The following PCDH15 variants were observed in gnomAD, a reference collection of about 807,000 sequenced individuals.
PCDH15 encodes the protein protocadherin related 15.
A neutral mutation model predicts 178.5 loss-of-function variants in PCDH15; 129 were observed. That is an observed-to-expected ratio of 0.72 (90% CI 0.63 to 0.84). PCDH15 has a LOEUF of 0.84. PCDH15 is among the 40% of genes least tolerant of loss of function. The pLI is 0.00. For missense variants in PCDH15, 2,230 were observed against 2,099.9 expected, an observed-to-expected ratio of 1.06 and a Z score of -1.21; for synonymous variants, 800 against 732.0, an observed-to-expected ratio of 1.09 and a Z score of -1.50.
intron 2 of PCDH15, among the ~76,000 whole-genome samples, chr10:55,327,020 T>A (rs1399236114): frequency 1.3e-5 from 2 of 152,134 alleles, no homozygotes; most frequent in African/African-American, 2.4e-5. Flanking sequence ...AATGTTGCTG[T>A]GGAATGACTG....
At chr10:54,149,910 G>A (rs2044354122) in intron 14 of PCDH15, among the ~76,000 whole-genome samples, 1 of 152,148 alleles carries the variant, frequency 6.6e-6, no homozygotes, top group Non-Finnish European at 1.5e-5. Context: ...ACACAGAGGA[G>A]TTGCTCCAGG....
chr10:54,778,789 T>C (rs942729409), intron 1 of PCDH15, among the ~76,000 whole-genome samples: 1 of 152,164 alleles, frequency 6.6e-6, no homozygotes, highest in Non-Finnish European at 1.5e-5. Context: ...GCCTTGATAA[T>C]TGCAGACCAA....
rs573160418 is a variant in PCDH15 at position 54,643,660 on chromosome 10, T to C, written c.91+20512A>G. Among the ~76,000 whole-genome samples the C allele has an allele frequency of 2.0e-5, 3 of 152,216 alleles. No individual in the cohort carries two copies. The East Asian group carries it at 5.8e-4, about 29-fold the overall frequency. ...TTGTTCTCTGTTAGAGCAATATGTA[T>C]TTGGTATAGATTCAGAAAAATATTT... On this transcript the variant is annotated intron_variant, in intron 2 of 37. Transcript: ENST00000644397.
At chr10:55,418,425 T>C (rs1339675397) in intron 2 of PCDH15, among the ~76,000 whole-genome samples, 1 of 151,694 alleles carries the variant, frequency 6.6e-6, no homozygotes, top group African/African-American at 2.4e-5. Flanking sequence ...ATCAAAATAA[T>C]GTCTAAAACG....
intron 1 of PCDH15, among the ~76,000 whole-genome samples, chr10:54,715,953 A>T (rs2095475274): frequency 6.6e-6 from 1 of 152,082 alleles, no homozygotes; most frequent in African/African-American, 2.4e-5. Context: ...TGATGCCCAG[A>T]CATATCTCTG....
intron 2 of PCDH15, among the ~76,000 whole-genome samples, chr10:55,383,953 AT>A (rs1214307929): frequency 1.3e-5 from 2 of 152,234 alleles, no homozygotes; most frequent in African/African-American, 4.8e-5. Context: ...AACATATAAA[AT>A]AATAGCAAGA....
intron 17 of PCDH15, among the ~76,000 whole-genome samples, chr10:54,068,362 C>T (rs1487458454): frequency 6.6e-6 from 1 of 152,036 alleles, no homozygotes; most frequent in Non-Finnish European, 1.5e-5. Flanking sequence ...GATTTGCACA[C>T]ATTTTTGTAT....
At chr10:55,151,445 A>G (rs1460547090) in intron 2 of PCDH15, among the ~76,000 whole-genome samples, 6 of 152,110 alleles carry the variant, frequency 3.9e-5, no homozygotes, top group Admixed American at 3.9e-4. Flanking sequence ...CTAGCCAGAT[A>G]ATTACTTGAC....
At chr10:53,812,622 C>T (rs1347482974) in intron 35 of PCDH15, among the ~76,000 whole-genome samples, 1 of 152,124 alleles carries the variant, frequency 6.6e-6, no homozygotes, top group East Asian at 1.9e-4. Context: ...TCAAACTCTA[C>T]TTATAGAAAG....
At chr10:54,807,760 T>TA (rs1389984206) in intron 3 of PCDH15, among the ~76,000 whole-genome samples, 1 of 149,698 alleles carries the variant, frequency 6.7e-6, no homozygotes, top group African/African-American at 2.4e-5. Context: ...TATAATAGTA[T>TA]AAAAATTCAC....
In PCDH15 at chr10:55,045,789, T is replaced by C. The variant is rs145880560; in HGVS notation, c.-80+120787A>G. ...AAAAAAGTAATGCCAGTAATGTCAA[T>C]TGGTGATGGAGAAAAATTCAGAGAT... On this transcript the variant is annotated intron_variant, in intron 2 of 5. Coordinates refer to the PCDH15 transcript ENST00000458638. Among the ~76,000 whole-genome samples, 17 of 152,078 alleles carry C rather than the reference T, an allele frequency of 1.1e-4. No individual in the cohort carries two copies. The East Asian group carries it at 2.5e-3, about 23-fold the overall frequency.
intron 29 of PCDH15, among the ~76,000 whole-genome samples, chr10:53,832,384 G>A (rs2077064801): frequency 6.6e-6 from 1 of 151,836 alleles, no homozygotes; most frequent in African/African-American, 2.4e-5. Context: ...GGGAACTTTT[G>A]AACAGTCCCT....
At chr10:54,179,605 A>G (rs1404255445) in intron 13 of PCDH15, among the ~76,000 whole-genome samples, 1 of 152,132 alleles carries the variant, frequency 6.6e-6, no homozygotes, top group East Asian at 1.9e-4. Flanking sequence ...AAGAAGTACA[A>G]TTATTCAGTG....
At chr10:54,561,980 C>CTTTTTTTTTTT (rs575547228) in intron 2 of PCDH15, among the ~76,000 whole-genome samples, 5 of 75,238 alleles carry the variant, frequency 6.6e-5, no homozygotes, top group Non-Finnish European at 6.9e-5. Flanking sequence ...CCGCACCCAG[C>CTTTTTTTTTTT]TTTTTTTTTT....
At chr10:53,821,647 T>C (rs1294758594) in intron 32 of PCDH15, 5 of 1,334,016 alleles carry the variant, frequency 3.7e-6, no homozygotes, top group Non-Finnish European at 3.9e-6. Context: ...TATGCTACTT[T>C]GTAGTTTTTA....
chr10:54,856,087 G>C (rs1205221700), intron 3 of PCDH15, among the ~76,000 whole-genome samples: 1 of 152,118 alleles, frequency 6.6e-6, no homozygotes, highest in Admixed American at 6.6e-5. Context: ...ACATATGATT[G>C]TATTTAAATA....
At position 53,885,643 on chromosome 10, in the gene PCDH15, G is replaced by A. The variant is rs993290321; in HGVS notation, c.3501+17600C>T. Among the ~76,000 whole-genome samples the A allele has an allele frequency of 2.6e-5, 4 of 152,040 alleles. No homozygotes were observed. The East Asian group carries it at 7.7e-4, about 29-fold the overall frequency. ...TCTATGCAAAAATACTTTATAACAT[G>A]GTGCTAAGATAATACTACTCATTTA... On this transcript the variant is annotated intron_variant, in intron 26 of 37. Transcript: ENST00000644397.
intron 2 of PCDH15, among the ~76,000 whole-genome samples, chr10:55,021,633 T>A (rs1840331406): frequency 6.6e-6 from 1 of 152,222 alleles, no homozygotes; most frequent in Admixed American, 6.5e-5. Context: ...AAAGTATAGA[T>A]ATTCTTCTTT....
At chr10:55,034,744 A>G (rs1840694587) in intron 2 of PCDH15, among the ~76,000 whole-genome samples, 1 of 152,204 alleles carries the variant, frequency 6.6e-6, no homozygotes, top group South Asian at 2.1e-4. Context: ...AAATACAATT[A>G]TGTTTTATAA....
Sources: gnomAD v4.1 joint callset for allele counts (sites outside exome capture counted in the v4.1 genomes callset) on GRCh38, gnomAD v4.1.1 for gene constraint, MANE v1.5 for transcripts, NCBI Gene and HGNC (gene_info 2026-07-23, HGNC 2026-07-21) for gene names.